The following TAS2R1 variants were observed in gnomAD, a reference collection of about 807,000 sequenced individuals.
TAS2R1 encodes the protein taste receptor type 2 member 1.
For synonymous variants in TAS2R1, 141 were observed against 134.2 expected, an observed-to-expected ratio of 1.05 and a Z score of -0.35; for missense variants, 370 against 353.4, an observed-to-expected ratio of 1.05 and a Z score of -0.38.
the TAS2R1 span, chr5:9,863,092 G>A: frequency 6.6e-6 from 1 of 151,980 alleles, no homozygotes; most frequent in East Asian, 1.9e-4. Context: ...AGTACATGAT[G>A]GAAACAATGA....
rs142002312 is a variant in TAS2R1, at chr5:9,642,330, T to C, written c.-80-12338A>G. Among the ~76,000 whole-genome samples, 473 of 152,324 alleles carry C rather than the reference T, an allele frequency of 3.1e-3. 3 individuals are homozygous for C. The highest frequency in any genetic ancestry group is 0.01 in the African/African-American group (423 of 41,578). On this transcript the variant is annotated intron_variant, in intron 2 of 2. Coordinates refer to the TAS2R1 transcript ENST00000506620. ...AACAATTCCTGCTTTAAGAAACATG[T>C]GCATGTATTAACATTGTTGTATATT...
chr5:9,835,223 T>C, the TAS2R1 span, among the ~76,000 whole-genome samples: 1 of 152,226 alleles, frequency 6.6e-6, no homozygotes, highest in Non-Finnish European at 1.5e-5. Flanking sequence ...AAATGGGTGA[T>C]GTTCTGGGAC....
chr5:9,678,945 G>C (rs987339319), intron 1 of TAS2R1, among the ~76,000 whole-genome samples: 6 of 152,052 alleles, frequency 3.9e-5, no homozygotes, highest in Admixed American at 2.0e-4. Context: ...AATAAAAGTT[G>C]ATGGAAAAAA....
chr5:9,711,764 G>C (rs1304870305), intron 1 of TAS2R1, among the ~76,000 whole-genome samples: 6 of 152,102 alleles, frequency 3.9e-5, no homozygotes, highest in Non-Finnish European at 7.4e-5. Context: ...CCAGGTTTTA[G>C]AGATTCTCCC....
chr5:9,828,228 C>A, the TAS2R1 span, among the ~76,000 whole-genome samples: 1 of 152,144 alleles, frequency 6.6e-6, no homozygotes, highest in Non-Finnish European at 1.5e-5. Context: ...TGGGTTCAAG[C>A]AATTCTCCTG....
the TAS2R1 span, among the ~76,000 whole-genome samples, chr5:9,792,966 T>C: frequency 2.6e-3 from 391 of 152,252 alleles, 1 homozygote; most frequent in African/African-American, 9.0e-3. Flanking sequence ...TGCCAACATC[T>C]CACCACTGTG....
chr5:9,642,843 G>C (rs1054456199), intron 2 of TAS2R1, among the ~76,000 whole-genome samples: 9 of 152,156 alleles, frequency 5.9e-5, no homozygotes, highest in Admixed American at 2.0e-4. Flanking sequence ...AGATGCTGCA[G>C]TTGAATCATG....
In TAS2R1 at chr5:9,672,415, C is replaced by A. The variant is rs115277918; in HGVS notation, c.-241-12834G>T. ...AAAGTTCTAATGTCCAGAATCTATA[C>A]GGAACTCAAACAAATTTACAACCAA... On this transcript the variant is annotated intron_variant, in intron 1 of 2. Transcript: ENST00000506620. Among the ~76,000 whole-genome samples the A allele has an allele frequency of 7.0e-3, 1,063 of 151,922 alleles. 18 individuals are homozygous for A. Among genetic ancestry groups the A allele is most frequent in the African/African-American group, 0.025 (1,026 of 41,492 alleles).
rs1454987010 is a variant in TAS2R1, at chr5:9,654,446, C to A, written c.-81+4975G>T. 3.9e-5 allele frequency among the ~76,000 whole-genome samples: 6 copies of A among 151,914 alleles called. No homozygotes were observed. The East Asian group carries it at 1.2e-3, about 29-fold the overall frequency. On this transcript the variant is annotated intron_variant, in intron 2 of 2. Transcript: ENST00000506620. ...CCTGAATTCCATGCAAGATTAAACA[C>A]ATGAGAATAGTCAGCAATCTTTTGG...
the TAS2R1 span, among the ~76,000 whole-genome samples, chr5:9,860,963 G>A: frequency 4.1e-5 from 6 of 146,986 alleles, no homozygotes; most frequent in Admixed American, 3.4e-4. Flanking sequence ...CTGAAAGTAA[G>A]GGCCTTTTTT....
the TAS2R1 span, among the ~76,000 whole-genome samples, chr5:9,893,631 T>C: frequency 2.6e-5 from 4 of 152,180 alleles, no homozygotes; most frequent in African/African-American, 9.7e-5. Flanking sequence ...CAAAAGTGTA[T>C]TACAACAACG....
intron 1 of TAS2R1, among the ~76,000 whole-genome samples, chr5:9,672,468 GC>G (rs1164704242): frequency 1.3e-5 from 2 of 152,020 alleles, no homozygotes; most frequent in African/African-American, 4.8e-5. Flanking sequence ...CAAAAAGTGG[GC>G]AAGGACATAA....
chr5:9,760,871 G>C, the TAS2R1 span: 1 of 152,226 alleles, frequency 6.6e-6, no homozygotes, highest in East Asian at 1.9e-4. Flanking sequence ...TGACAAGCAA[G>C]GGTTATACAG....
chr5:9,893,019 C>T, the TAS2R1 span, among the ~76,000 whole-genome samples: 1 of 152,132 alleles, frequency 6.6e-6, no homozygotes, highest in Admixed American at 6.5e-5. Flanking sequence ...TATAAACTAC[C>T]AATGACTGCA....
At chr5:9,647,825 A>G (rs746435568) in intron 2 of TAS2R1, among the ~76,000 whole-genome samples, 117 of 152,160 alleles carry the variant, frequency 7.7e-4, no homozygotes, top group Non-Finnish European at 3.5e-4. Context: ...ATATGAATTT[A>G]TTATCTATTC....
intron 2 of TAS2R1, among the ~76,000 whole-genome samples, chr5:9,638,279 T>C (rs1032568888): frequency 1.3e-5 from 2 of 152,240 alleles, no homozygotes; most frequent in African/African-American, 2.4e-5. Flanking sequence ...TGATGTGATC[T>C]GTCTTCAGGT....
At chr5:9,702,819 A>G (rs888154879) in intron 1 of TAS2R1, among the ~76,000 whole-genome samples, 1 of 152,062 alleles carries the variant, frequency 6.6e-6, no homozygotes, top group African/African-American at 2.4e-5. Context: ...GGAGCCAGCA[A>G]AAGTAAGGGC....
chr5:9,741,340 A>G, the TAS2R1 span, among the ~76,000 whole-genome samples: 1 of 152,142 alleles, frequency 6.6e-6, no homozygotes, highest in Non-Finnish European at 1.5e-5. Flanking sequence ...CAGCTGGTCA[A>G]TGGGACCCGC....
chr5:9,880,469 G>C, the TAS2R1 span, among the ~76,000 whole-genome samples: 1 of 152,194 alleles, frequency 6.6e-6, no homozygotes, highest in Non-Finnish European at 1.5e-5. Flanking sequence ...ACCATTCTCT[G>C]TCGTAGATCT....
Sources: gnomAD v4.1 joint callset for allele counts (sites outside exome capture counted in the v4.1 genomes callset) on GRCh38, gnomAD v4.1.1 for gene constraint, MANE v1.5 for transcripts, NCBI Gene and HGNC (gene_info 2026-07-23, HGNC 2026-07-21) for gene names.